The following FGFR1 variants were observed in gnomAD, a reference collection of about 807,000 sequenced individuals.
FGFR1 encodes fibroblast growth factor receptor 1.
A neutral mutation model predicts 93.7 loss-of-function variants in FGFR1; 18 were observed. The observed-to-expected ratio is 0.19, with a 90% CI of 0.13 to 0.28. The LOEUF (loss-of-function observed/expected upper bound fraction) is 0.28. FGFR1 is among the 10% of genes least tolerant of loss of function. The probability of loss-of-function intolerance (pLI) is 1.00; values close to 1 mark genes in which losing one functional copy is unlikely to be tolerated. For synonymous variants in FGFR1, 448 were observed against 429.3 expected (o/e 1.04, Z -0.54); for missense variants, 731 against 1,080.4 (o/e 0.68, Z 4.53).
At position 38,418,270 on chromosome 8, in the gene FGFR1, T is replaced by C. The variant is rs746082633; in HGVS notation, c.1388A>G (p.Tyr463Cys). ...GTPMLAGVSE[Y>C]ELPEDPRWEL... ...CCAGCGAGGGTCTTCGGGAAGCTCA[T>C]ACTCAGAGACCCCTGCTAGCATGGG... The change falls in exon 10 of 18, where the codon TAT becomes TGT. Residue 463 changes from tyrosine to cysteine, a missense_variant. Transcript: ENST00000447712. 32 of 1,614,072 alleles carry C rather than the reference T, an allele frequency of 2.0e-5. No individual in the cohort carries two copies. Among genetic ancestry groups the C allele is most frequent in the Non-Finnish European group, 2.7e-5 (32 of 1,180,038 alleles).
At chr8:38,423,118 C>T (rs753390544) in intron 7 of FGFR1, 2 of 779,644 alleles carry the variant, frequency 2.6e-6, no homozygotes, top group South Asian at 2.7e-5. Flanking sequence ...CCGCTCTGGG[C>T]CTCTGTCACA....
chr8:38,418,676 G>A, intron 9 of FGFR1: 1 of 453,572 alleles, frequency 2.2e-6, no homozygotes, highest in Non-Finnish European at 4.1e-6. Flanking sequence ...CTGTTCTCCT[G>A]ACTCTTTGCA....
At chr8:38,432,248 T>C (rs1823415870) in intron 2 of FGFR1, among the ~76,000 whole-genome samples, 1 of 151,976 alleles carries the variant, frequency 6.6e-6, no homozygotes, top group Non-Finnish European at 1.5e-5. Flanking sequence ...TTCCTGCCCG[T>C]CCCAACCAGA....
chr8:38,462,957 T>G (rs930520929), intron 1 of FGFR1: 14 of 147,878 alleles, frequency 9.5e-5, no homozygotes, highest in Non-Finnish European at 3.0e-5. Context: ...CAGGCTGGAA[T>G]GCAGTGGTGC....
intron 2 of FGFR1, among the ~76,000 whole-genome samples, chr8:38,441,500 T>C (rs1027268961): frequency 3.3e-5 from 5 of 152,212 alleles, no homozygotes; most frequent in African/African-American, 1.2e-4. Context: ...TACTGATACA[T>C]TAAGGACAGA....
At chr8:38,464,089 C>T (rs7815496) in intron 1 of FGFR1, among the ~76,000 whole-genome samples, 53,150 of 151,820 alleles carry the variant, frequency 0.35, 9,655 homozygotes, top group South Asian at 0.48. Flanking sequence ...CCGAGGCCAG[C>T]GGATTGCTTG....
At position 38,427,935 on chromosome 8, in the gene FGFR1, T is replaced by G; in HGVS notation, c.607A>C (p.Ile203Leu). The change falls in exon 5 of 18, where the codon ATT (isoleucine) becomes CTT (leucine). Residue 203 changes from isoleucine (I) to leucine (L), a missense_variant. Ile to Leu is a conservative substitution (Grantham distance 5). This residue lies in a region of FGFR1 where 109 missense variants were observed against 249.4 expected (regional missense o/e 0.44). Transcript: ENST00000447712. ...NGKEFKPDHR[I>L]GGYKVRYATW... ...CACACACGTACCTTGTAGCCTCCAA[T>G]TCTGTGGTCAGGTTTGAATTCTTTG... 6.2e-7 allele frequency: 1 copy of G among 1,614,258 alleles called. No homozygotes were observed. Among genetic ancestry groups the G allele is most frequent in the African/African-American group, 1.3e-5 (1 of 75,072 alleles).
chr8:38,467,809 C>T (rs988782656), intron 1 of FGFR1, 172 bp downstream of exon 1: 21 of 231,608 alleles, frequency 9.1e-5, no homozygotes, highest in African/African-American at 4.2e-4. Flanking sequence ...ACCCAAGGGG[C>T]GCGGATCGCC....
intron 2 of FGFR1, among the ~76,000 whole-genome samples, chr8:38,431,950 G>C (rs1486168928): frequency 2.0e-5 from 3 of 152,184 alleles, no homozygotes; most frequent in Non-Finnish European, 4.4e-5. Context: ...TTAAGGAACA[G>C]AGCAGACACT....
intron 2 of FGFR1, among the ~76,000 whole-genome samples, chr8:38,443,666 C>T (rs959561969): frequency 6.6e-6 from 1 of 151,178 alleles, no homozygotes; most frequent in Non-Finnish European, 1.5e-5. Context: ...AAGTGTGACC[C>T]TGTCTCAAAA....
At chr8:38,454,546 C>A (rs1414458910) in intron 2 of FGFR1, among the ~76,000 whole-genome samples, 1 of 152,166 alleles carries the variant, frequency 6.6e-6, no homozygotes, top group African/African-American at 2.4e-5. Context: ...AGTGTCTTTA[C>A]TACTTTTTCC....
rs761096092 is a variant in FGFR1 at position 38,412,068 on chromosome 8, G to A, written c.*1560C>T. On this transcript the variant is annotated 3_prime_UTR_variant, in exon 18 of 18. Coordinates refer to ENST00000447712, the MANE Select transcript of FGFR1 (RefSeq NM_023110.3). ...CAGTTTCTGCAGACCTTCATCATTT[G>A]TTTTCCTTTTTGTTTTCTCTGTTGC... 1.8e-5 allele frequency: 4 copies of A among 220,612 alleles called. No homozygotes were observed. Among genetic ancestry groups the A allele is most frequent in the Non-Finnish European group, 3.6e-5 (4 of 110,208 alleles). 13.7% of individuals were successfully genotyped at this position (220,612 alleles called of 1,614,324 possible).
chr8:38,462,362 C>G (rs529658599), intron 1 of FGFR1, among the ~76,000 whole-genome samples: 2 of 151,794 alleles, frequency 1.3e-5, no homozygotes, highest in African/African-American at 4.8e-5. Context: ...AAATTAGCTG[C>G]GTGCAGTGGC....
Position 38,425,979 on chromosome 8 carries a change from G to C in FGFR1, c.745+143C>G, listed in dbSNP as rs1290990143. 2.2e-5 allele frequency: 23 copies of C among 1,045,990 alleles called. No individual in the cohort carries two copies. In the East Asian group the frequency reaches 4.3e-4, roughly 19 times the overall value. 64.8% of individuals were successfully genotyped at this position (1,045,990 alleles called of 1,614,324 possible). On this transcript the variant is annotated intron_variant, in intron 6 of 17. Coordinates refer to ENST00000447712, the MANE Select transcript of FGFR1 (RefSeq NM_023110.3). ...GAAAAGTGAGGCTCAAAAGGGAGAAGTGACCTGCTCAAGGTGACAAAGCCA... is the reference window on the plus strand; with the variant it reads ...GAAAAGTGAGGCTCAAAAGGGAGAACTGACCTGCTCAAGGTGACAAAGCCA...
At chr8:38,433,902 C>G (rs767933504) in intron 2 of FGFR1, among the ~76,000 whole-genome samples, 55 of 152,164 alleles carry the variant, frequency 3.6e-4, no homozygotes, top group Non-Finnish European at 6.8e-4. Flanking sequence ...CAAAAAATGC[C>G]TGACCCATAG....
chr8:38,466,383 C>T (rs1835504606), intron 1 of FGFR1, among the ~76,000 whole-genome samples: 1 of 152,248 alleles, frequency 6.6e-6, no homozygotes, highest in African/African-American at 2.4e-5. Context: ...CAGAAACTTC[C>T]ATCGTCAAGG....
chr8:38,438,428 A>C (rs1367646046), intron 2 of FGFR1, among the ~76,000 whole-genome samples: 2 of 151,928 alleles, frequency 1.3e-5, no homozygotes, highest in Admixed American at 1.3e-4. Flanking sequence ...CTGTAATCCC[A>C]GCTACTGAGG....
chr8:38,428,312 C>T (rs372626024), intron 4 of FGFR1, 34 bp downstream of exon 4: 4 of 1,604,596 alleles, frequency 2.5e-6, no homozygotes, highest in East Asian at 4.5e-5. Context: ...ATGCCCAGAC[C>T]CAAAGGGCAG....
chr8:38,423,290 G>A (rs912757337), intron 7 of FGFR1: 11 of 553,344 alleles, frequency 2.0e-5, no homozygotes, highest in Non-Finnish European at 3.6e-5. Flanking sequence ...TGTTAAGTGA[G>A]ATTTATTACC....
Sources: gnomAD v4.1 joint callset for allele counts (sites outside exome capture counted in the v4.1 genomes callset) on GRCh38, gnomAD v4.1.1 for gene constraint, gnomAD v4.1.1 regional missense constraint, MANE v1.5 for transcripts, NCBI Gene and HGNC (gene_info 2026-07-23, HGNC 2026-07-21) for gene names.